The following CABP5 variants were observed in gnomAD, a reference collection of about 807,000 sequenced individuals.
The protein encoded by CABP5 is calcium-binding protein 5.
In CABP5, 17 loss-of-function variants were observed where a neutral mutation model predicts 21.9. The observed-to-expected ratio is 0.78, with a 90% confidence interval of 0.53 to 1.17. CABP5 has a LOEUF of 1.17. CABP5 is among the 50% of genes most tolerant of loss of function. The probability of loss-of-function intolerance (pLI) is 0.00; values close to 1 mark genes in which losing one functional copy is unlikely to be tolerated. For synonymous variants in CABP5, 85 were observed against 79.4 expected, an observed-to-expected ratio of 1.07 and a Z score of -0.37; for missense variants, 229 against 228.9, an observed-to-expected ratio of 1.00 and a Z score of 0.00.
At chr19:48,042,625 A>T (rs998472490) in intron 1 of CABP5, among the ~76,000 whole-genome samples, 1 of 149,562 alleles carries the variant, frequency 6.7e-6, no homozygotes, top group African/African-American at 2.5e-5. Flanking sequence ...CCCAAGCTGG[A>T]GTGCAGTGGC....
chr19:48,036,497 T>C (rs965951181), intron 4 of CABP5, among the ~76,000 whole-genome samples: 2 of 152,118 alleles, frequency 1.3e-5, no homozygotes, highest in Non-Finnish European at 2.9e-5. Context: ...AGTAGAAGGA[T>C]AGTTGCTGGG....
intron 5 of CABP5, 147 bp downstream of exon 5, chr19:48,034,068 A>G (rs3745748): frequency 0.35 from 252,203 of 719,268 alleles, 47,403 homozygotes; most frequent in Middle Eastern, 0.43. Context: ...GGACAGAACA[A>G]ATGCTTCCAA....
intron 5 of CABP5, among the ~76,000 whole-genome samples, chr19:48,033,087 C>T (rs1296442002): frequency 6.6e-6 from 1 of 151,488 alleles, no homozygotes; most frequent in African/African-American, 2.4e-5. Flanking sequence ...CTGCAACCTC[C>T]GCCCCCAGCG....
chr19:48,033,714 A>C (rs1242546993), intron 5 of CABP5, among the ~76,000 whole-genome samples: 1 of 152,160 alleles, frequency 6.6e-6, no homozygotes, highest in African/African-American at 2.4e-5. Flanking sequence ...GATTTCTTTT[A>C]GTTTTCTCCA....
In CABP5 at chr19:48,030,505, C is replaced by A; in HGVS notation, c.*52G>T. The A allele has an allele frequency of 3.2e-6, 5 of 1,579,534 alleles. No homozygotes were observed. Among genetic ancestry groups the A allele is most frequent in the Non-Finnish European group, 3.4e-6 (4 of 1,162,018 alleles). On this transcript the variant is annotated 3_prime_UTR_variant, in exon 6 of 6. Transcript: ENST00000293255. ...CTTTTGGGCTTTGGTTCTCCACAAG[C>A]GCTTGCTCCATGTTGACCAGGTGGA...
chr19:48,041,556 G>A lies in CABP5; in HGVS notation c.94+17C>T, dbSNP rs1290581055. The A allele has an allele frequency of 6.2e-7, 1 of 1,612,010 alleles. No homozygotes were observed. Among genetic ancestry groups the A allele is most frequent in the Non-Finnish European group, 8.5e-7 (1 of 1,179,240 alleles). On this transcript the variant is annotated intron_variant, in intron 2 of 5. Transcript: ENST00000293255. Reference sequence around the variant, plus strand: ...GGTGGATGGCAACGTGGAAGCAACTGGGGAAGACGGTGTTACCTTCAATCT... The same window carrying A: ...GGTGGATGGCAACGTGGAAGCAACTAGGGAAGACGGTGTTACCTTCAATCT...
chr19:48,041,794 CT>C (rs1967485607), intron 1 of CABP5, among the ~76,000 whole-genome samples, 191 bp from the exon 2 acceptor site: 4 of 151,998 alleles, frequency 2.6e-5, no homozygotes, highest in African/African-American at 9.7e-5. Context: ...CCCCACCCCC[CT>C]CTCGATGTCT....
intron 5 of CABP5, among the ~76,000 whole-genome samples, chr19:48,030,855 C>A (rs1483247861): frequency 6.6e-6 from 1 of 152,060 alleles, no homozygotes; most frequent in African/African-American, 2.4e-5. Flanking sequence ...AGGCTGGGCT[C>A]GGTGGCTCAC....
In CABP5 at chr19:48,039,325, A is replaced by T; in HGVS notation, c.239-8T>A. The T allele has an allele frequency of 1.9e-6, 3 of 1,609,758 alleles. No individual in the cohort carries two copies. Among genetic ancestry groups the T allele is most frequent in the Non-Finnish European group, 2.6e-6 (3 of 1,176,030 alleles). ...AGTCTACACGGCCACCCACTGAGGA[A>T]GATGGCACAGGATTAGCGAGACCCC... On this transcript the variant is annotated splice_polypyrimidine_tract_variant and splice_region_variant and intron_variant, in intron 3 of 5. Coordinates refer to ENST00000293255, the MANE Select transcript of CABP5 (RefSeq NM_019855.5).
chr19:48,039,355 G>A (rs778018878), intron 3 of CABP5, 38 bp from the exon 4 acceptor site: 29 of 1,515,726 alleles, frequency 1.9e-5, no homozygotes, highest in South Asian at 1.1e-5. Flanking sequence ...GACCCCACAA[G>A]CCCTGGCCTT....
intron 4 of CABP5, among the ~76,000 whole-genome samples, chr19:48,037,258 G>GTTTTTTTTT (rs1415624974): frequency 1.2e-4 from 3 of 25,794 alleles, no homozygotes; most frequent in Admixed American, 7.3e-4. Flanking sequence ...ATACTATTCA[G>GTTTTTTTTT]CTTTTTTTTT....
chr19:48,038,821 C>T (rs992173180), intron 4 of CABP5, among the ~76,000 whole-genome samples: 10 of 151,310 alleles, frequency 6.6e-5, no homozygotes, highest in African/African-American at 9.7e-5. Flanking sequence ...AGTGAAACCC[C>T]GTCTCAAAAA....
chr19:48,041,928 T>C (rs1967487050), intron 1 of CABP5, among the ~76,000 whole-genome samples: 1 of 152,142 alleles, frequency 6.6e-6, no homozygotes, highest in Admixed American at 6.5e-5. Context: ...AAAGTGAGAC[T>C]TCACAACCAC....
At position 48,043,897 on chromosome 19, in the gene CABP5, C is replaced by A; in HGVS notation, c.26G>T (p.Cys9Phe). 1 of 1,496,678 alleles carries A rather than the reference C, an allele frequency of 6.7e-7. No individual in the cohort carries two copies. 92.7% of individuals were successfully genotyped at this position (1,496,678 alleles called of 1,614,324 possible). ...AGCAATGCCTTTCCTCAAGAAGATG[C>A]AGGCGGGGCCCATGGGGAACTGCAT... MQFPMGPA[C>F]IFLRKGIAEK... The change falls in exon 1 of 6, where the codon TGC becomes TTC. Residue 9 changes from cysteine to phenylalanine, a missense_variant. Coordinates refer to ENST00000293255, the MANE Select transcript of CABP5 (RefSeq NM_019855.5).
At position 48,029,585 on chromosome 19, in the gene CABP5, C is replaced by A. The variant is rs776807541; in HGVS notation, c.*972G>T. The stretch of plus-strand genomic sequence containing the variant: ...GACAGACCAGCGCGGAGGTAGGAGG[C>A]TTCTAGGAAAGACTTTGCAACAACC... On this transcript the variant is annotated 3_prime_UTR_variant, in exon 6 of 6. Coordinates refer to ENST00000293255, the MANE Select transcript of CABP5 (RefSeq NM_019855.5). Among the ~76,000 whole-genome samples, 1 of 152,072 alleles carries A rather than the reference C, an allele frequency of 6.6e-6. No homozygotes were observed. Among genetic ancestry groups the A allele is most frequent in the Non-Finnish European group, 1.5e-5 (1 of 68,000 alleles).
intron 5 of CABP5, among the ~76,000 whole-genome samples, chr19:48,032,756 T>A (rs73048010): frequency 0.22 from 33,486 of 151,388 alleles, 4,275 homozygotes; most frequent in Non-Finnish European, 0.28. Context: ...TCAGCCCCCG[T>A]ATAGCCTGGG....
Position 48,043,898 on chromosome 19 carries a change from A to G in CABP5, c.25T>C (p.Cys9Arg). The G allele has an allele frequency of 6.7e-7, 1 of 1,496,304 alleles. No individual in the cohort carries two copies. Among genetic ancestry groups the G allele is most frequent in the Non-Finnish European group, 8.9e-7 (1 of 1,127,768 alleles). 92.7% of individuals were successfully genotyped at this position (1,496,304 alleles called of 1,614,324 possible). Residue 9 changes from cysteine (C) to arginine (R), a missense_variant, in exon 1 of 6, where the codon TGC (cysteine) becomes CGC (arginine). Coordinates refer to ENST00000293255, the MANE Select transcript of CABP5 (RefSeq NM_019855.5). Reference sequence around the variant, plus strand: ...GCAATGCCTTTCCTCAAGAAGATGCAGGCGGGGCCCATGGGGAACTGCATG... The same window carrying G: ...GCAATGCCTTTCCTCAAGAAGATGCGGGCGGGGCCCATGGGGAACTGCATG... The part of the protein sequence containing the change: MQFPMGPA[C>R]IFLRKGIAEK...
In CABP5 at chr19:48,034,293, C is replaced by A. The variant is rs34681062; in HGVS notation, c.418G>T (p.Glu140Ter). The change falls in exon 5 of 6, where the codon GAG becomes TAG. Residue 140 changes from glutamate to a stop codon, truncating the protein, a stop_gained. Coordinates refer to ENST00000293255, the MANE Select transcript of CABP5 (RefSeq NM_019855.5). LOFTEE classifies it high-confidence loss of function. ...GAGATCTCCCGGGGGGTGAGCCGCT[C>A]CCCCAGGAGTCTCTGCATGGCCTGC... The part of the protein sequence containing the change: ...LQQAMQRLLG[E>*]RLTPREISEV... The A allele has an allele frequency of 3.1e-6, 5 of 1,609,166 alleles. No individual in the cohort carries two copies. The East Asian group carries it at 1.1e-4, about 36-fold the overall frequency.
In CABP5 at chr19:48,031,012, G is replaced by A. The variant is rs115821694; in HGVS notation, c.497-430C>T. ...AGGTAAATAAAATTTGCTCAGAACCGTGCCTGCCATCACAGTCACCCCATG... is the reference window on the plus strand; with the variant it reads ...AGGTAAATAAAATTTGCTCAGAACCATGCCTGCCATCACAGTCACCCCATG... On this transcript the variant is annotated intron_variant, in intron 5 of 5. Coordinates refer to ENST00000293255, the MANE Select transcript of CABP5 (RefSeq NM_019855.5). 3.4e-3 allele frequency among the ~76,000 whole-genome samples: 515 copies of A among 152,114 alleles called. 3 individuals carry two copies. The highest frequency in any genetic ancestry group is 0.012 in the African/African-American group (484 of 41,496).
Sources: allele counts gnomAD v4.1 joint callset (sites outside exome capture counted in the v4.1 genomes callset), GRCh38; gene constraint gnomAD v4.1.1; transcripts MANE v1.5; gene names NCBI Gene and HGNC (gene_info 2026-07-23, HGNC 2026-07-21).